The following TRA2B variants were observed in gnomAD, a reference collection of about 807,000 sequenced individuals.
TRA2B encodes the protein transformer 2 beta homolog, also known as transformer-2 protein homolog beta.
Under a neutral mutation model 41.7 loss-of-function variants are expected in TRA2B, and 14 were observed. The observed-to-expected ratio is 0.34, with a 90% CI of 0.22 to 0.53. The LOEUF (loss-of-function observed/expected upper bound fraction) is 0.53. Among genes scored for constraint, TRA2B ranks in the 20% least tolerant of loss-of-function variants. TRA2B has a pLI of 0.95. For missense variants in TRA2B, 167 were observed against 396.8 expected (o/e 0.42, Z 4.92); for synonymous variants, 130 against 128.8 (o/e 1.01, Z -0.06).
intron 1 of TRA2B, among the ~76,000 whole-genome samples, chr3:185,930,917 G>A (rs544733375): frequency 6.6e-5 from 10 of 152,218 alleles, no homozygotes; most frequent in African/African-American, 1.7e-4. Context: ...GGGAAGCTAC[G>A]GTATTTTATC....
At chr3:185,921,729 A>G (rs1322117530) in intron 5 of TRA2B, among the ~76,000 whole-genome samples, 8 of 152,160 alleles carry the variant, frequency 5.3e-5, no homozygotes, top group Non-Finnish European at 8.8e-5. Flanking sequence ...GCACCATCGC[A>G]CTCCAGCCTG....
intron 6 of TRA2B, among the ~76,000 whole-genome samples, chr3:185,920,184 TA>T (rs1269731316): frequency 4.6e-5 from 7 of 152,326 alleles, no homozygotes; most frequent in African/African-American, 1.4e-4. Context: ...TCTTTAAAAT[TA>T]TTCTCTGGAC....
intron 7 of TRA2B, among the ~76,000 whole-genome samples, chr3:185,918,757 C>T (rs1743601532): frequency 6.6e-6 from 1 of 151,972 alleles, no homozygotes; most frequent in African/African-American, 2.4e-5. Flanking sequence ...GCCTATAATC[C>T]CAGCACTTTG....
chr3:185,937,262 C>T (rs1357099945), intron 1 of TRA2B: 2 of 986,226 alleles, frequency 2.0e-6, no homozygotes, highest in Non-Finnish European at 2.4e-6. Context: ...AAAGACATCC[C>T]AGACTCCGTC....
chr3:185,915,310 G>C lies in TRA2B; in HGVS notation c.*2405C>G, dbSNP rs897547509. ...ATGAACTTTACATTTGGTTTTAGTAGTCTCAGCCCTACAGCTATAAGAAAT... is the reference window on the plus strand; with the variant it reads ...ATGAACTTTACATTTGGTTTTAGTACTCTCAGCCCTACAGCTATAAGAAAT... On this transcript the variant is annotated 3_prime_UTR_variant, in exon 9 of 9. Transcript: ENST00000453386. Among the ~76,000 whole-genome samples, 24 of 152,222 alleles carry C rather than the reference G, an allele frequency of 1.6e-4. No individual in the cohort carries two copies. Among genetic ancestry groups the C allele is most frequent in the African/African-American group, 5.1e-4 (21 of 41,454 alleles).
At position 185,917,642 on chromosome 3, in the gene TRA2B, CAA is replaced by C. The variant is rs1743550044; in HGVS notation, c.*71_*72del. 5.2e-6 allele frequency: 8 copies of C among 1,551,082 alleles called. No homozygotes were observed. The Admixed American group carries it at 5.2e-5, about 10-fold the overall frequency. On this transcript the variant is annotated 3_prime_UTR_variant, in exon 9 of 9. Coordinates refer to ENST00000453386, the MANE Select transcript of TRA2B (RefSeq NM_004593.3). ...CACTAGGCACTGTTCACTTTTTAAA[CAA>C]GAGACAATAAAAAATATTGCCCACA...
At position 185,922,136 on chromosome 3, in the gene TRA2B, GTAAA is replaced by G. The variant is rs761172903; in HGVS notation, c.523-14_523-11del. ...TGGCACGTTCTTTAGCCTTCAAAAG[GTAAA>G]TAAATTGTTACATACATCCTGAACA... On this transcript the variant is annotated splice_polypyrimidine_tract_variant and intron_variant, in intron 4 of 8. Transcript: ENST00000453386. 3 of 1,603,264 alleles carry G rather than the reference GTAAA, an allele frequency of 1.9e-6. No individual in the cohort carries two copies. Among genetic ancestry groups the G allele is most frequent in the African/African-American group, 1.3e-5 (1 of 74,658 alleles).
At chr3:185,935,701 C>A (rs1182567901) in intron 1 of TRA2B, 25 of 985,454 alleles carry the variant, frequency 2.5e-5, no homozygotes, top group Middle Eastern at 5.2e-4. Flanking sequence ...TGTCTAAGAT[C>A]AAGCTGTTCC....
In TRA2B at chr3:185,934,974, A is replaced by G. The variant is rs530791994; in HGVS notation, c.36+2851T>C. Reference sequence around the variant, plus strand: ...TCCTTAGTTTCTGGATTCCTTTAGTAAAGACTCACTCGTAGAAACTCATTA... The same window carrying G: ...TCCTTAGTTTCTGGATTCCTTTAGTGAAGACTCACTCGTAGAAACTCATTA... On this transcript the variant is annotated intron_variant, in intron 1 of 8. Transcript: ENST00000453386. The G allele has an allele frequency of 5.9e-5, 58 of 985,434 alleles. 1 individual carries two copies. Among genetic ancestry groups the G allele is most frequent in the African/African-American group, 5.8e-4 (33 of 57,352 alleles). 61.0% of individuals were successfully genotyped at this position (985,434 alleles called of 1,614,324 possible).
chr3:185,926,818 G>A (rs1204391418), intron 1 of TRA2B, 84 bp from the exon 2 acceptor site: 2 of 1,516,672 alleles, frequency 1.3e-6, no homozygotes, highest in Non-Finnish European at 1.8e-6. Context: ...TAAATGGTGA[G>A]GGACAGCAAT....
rs1744321023 is a variant in TRA2B, at chr3:185,935,642, T to C, written c.36+2183A>G. On this transcript the variant is annotated intron_variant, in intron 1 of 8. Transcript: ENST00000453386. ...CCCAGTTCAGAAGCCTGGAGTTGAA[T>C]AACACTCATTTTTCTGGCTCCAGAG... 9 of 985,450 alleles carry C rather than the reference T, an allele frequency of 9.1e-6. No homozygotes were observed. The South Asian group carries it at 3.8e-4, about 41-fold the overall frequency. The allele number at this position is 985,450 out of a possible 1,614,324, so 61.0% of individuals were successfully genotyped here.
intron 2 of TRA2B, 89 bp downstream of exon 2, chr3:185,926,512 T>G (rs1743959644): frequency 6.5e-7 from 1 of 1,537,544 alleles, no homozygotes; most frequent in East Asian, 2.3e-5. Context: ...CAACAAATAA[T>G]CTAACCCTCT....
At chr3:185,936,805 T>G in intron 1 of TRA2B, 2 of 985,408 alleles carry the variant, frequency 2.0e-6, no homozygotes, top group Non-Finnish European at 2.4e-6. Flanking sequence ...CATCATTCAA[T>G]GCTTTCCGAA....
chr3:185,924,086 A>G (rs1743844120), intron 3 of TRA2B, 102 bp from the exon 4 acceptor site: 31 of 1,019,256 alleles, frequency 3.0e-5, no homozygotes, highest in Admixed American at 2.3e-4. Flanking sequence ...TAACAAGAAA[A>G]GTACATAATG....
chr3:185,934,985 C>T (rs1744293650), intron 1 of TRA2B: 1 of 985,292 alleles, frequency 1.0e-6, no homozygotes, highest in Non-Finnish European at 1.2e-6. Context: ...AAGACTCACT[C>T]GTAGAAACTC....
At chr3:185,929,045 G>A (rs1236365447) in intron 1 of TRA2B, 2 of 152,188 alleles carry the variant, frequency 1.3e-5, no homozygotes, top group Admixed American at 6.5e-5. Flanking sequence ...CAAAACTAAC[G>A]GACTATGCAG....
chr3:185,933,012 T>A (rs78765210), intron 1 of TRA2B, among the ~76,000 whole-genome samples: 1,613 of 152,284 alleles, frequency 0.011, 23 homozygotes, highest in African/African-American at 0.036. Flanking sequence ...AATCCGAAAA[T>A]TTTTAAATAT....
chr3:185,923,358 G>C (rs1214222688), intron 4 of TRA2B: 2 of 152,814 alleles, frequency 1.3e-5, no homozygotes, highest in Non-Finnish European at 2.9e-5. Flanking sequence ...CCTAAAATCT[G>C]AATTTCTTAA....
At chr3:185,928,798 A>T (rs1744047629) in intron 1 of TRA2B, 1 of 152,246 alleles carries the variant, frequency 6.6e-6, no homozygotes, top group Admixed American at 6.5e-5. Context: ...AACAGAAATC[A>T]GTCAGCCCAG....
Sources: gnomAD v4.1 joint callset for allele counts (sites outside exome capture counted in the v4.1 genomes callset) on GRCh38, gnomAD v4.1.1 for gene constraint, MANE v1.5 for transcripts, NCBI Gene and HGNC (gene_info 2026-07-23, HGNC 2026-07-21) for gene names.